Variants in DENND1A observed in about 807,000 individuals in gnomAD.
DENND1A encodes the protein DENN domain-containing protein 1A.
A neutral mutation model predicts 113.7 loss-of-function variants in DENND1A; 51 were observed. The ratio of observed to expected loss-of-function variants is 0.45; its 90% CI spans 0.36 to 0.57. The LOEUF (loss-of-function observed/expected upper bound fraction) is 0.57. Ranked by LOEUF, DENND1A falls within the 20% of genes least tolerant of loss-of-function variation. The probability of loss-of-function intolerance (pLI) is 0.00; values close to 1 mark genes in which losing one functional copy is unlikely to be tolerated. For synonymous variants in DENND1A, 565 were observed against 570.8 expected (o/e 0.99, Z 0.14); for missense variants, 1,258 against 1,395.9 (o/e 0.90, Z 1.57).
chr9:123,512,672 G>A (rs879500001), intron 13 of DENND1A, among the ~76,000 whole-genome samples: 1 of 152,216 alleles, frequency 6.6e-6, no homozygotes, highest in Non-Finnish European at 1.5e-5. Flanking sequence ...GAAGCTTCTC[G>A]AATATGTGGG....
intron 21 of DENND1A, among the ~76,000 whole-genome samples, chr9:123,389,823 C>T (rs1019137520): frequency 3.3e-5 from 5 of 152,234 alleles, no homozygotes; most frequent in Admixed American, 6.5e-5. Context: ...GCAGAGGGTG[C>T]GCAGGCCGTG....
chr9:123,395,468 C>CTCTCTGTGTATGTGTGTGTG (rs367751848), intron 21 of DENND1A, among the ~76,000 whole-genome samples: 3 of 142,890 alleles, frequency 2.1e-5, no homozygotes, highest in African/African-American at 8.2e-5. Flanking sequence ...CTCTCTCTCT[C>CTCTCTGTGTATGTGTGTGTG]TGTGTGTGTG....
chr9:123,518,590 A>G (rs1405834947), intron 13 of DENND1A, among the ~76,000 whole-genome samples: 1 of 152,176 alleles, frequency 6.6e-6, no homozygotes, highest in African/African-American at 2.4e-5. Flanking sequence ...AGGGGATATA[A>G]TAATTTATTT....
chr9:123,414,719 ACC>A, intron 19 of DENND1A: 1 of 1,222,888 alleles, frequency 8.2e-7, no homozygotes, highest in South Asian at 1.4e-5. Flanking sequence ...CTTTCCCTAT[ACC>A]ACCCATGAAT....
At position 123,697,560 on chromosome 9, in the gene DENND1A, C is replaced by A. The variant is rs1589709903; in HGVS notation, c.303-20771G>T. Among the ~76,000 whole-genome samples, 6 of 152,086 alleles carry A rather than the reference C, an allele frequency of 3.9e-5. No homozygotes were observed. In the South Asian group the frequency reaches 1.0e-3, roughly 26 times the overall value. ...CCCGTCCCATTCTTCCCCTCAAGTC[C>A]CCGAAGTCCATTGTATCATTCTTAT... On this transcript the variant is annotated intron_variant, in intron 5 of 23. Transcript: ENST00000394215.
At chr9:123,621,863 T>C (rs1350265907) in intron 10 of DENND1A, among the ~76,000 whole-genome samples, 3 of 152,230 alleles carry the variant, frequency 2.0e-5, no homozygotes, top group African/African-American at 7.2e-5. Flanking sequence ...TACTTCAGAA[T>C]TGTGTCCAGA....
At chr9:123,431,215 C>A (rs2046108777) in intron 19 of DENND1A, among the ~76,000 whole-genome samples, 1 of 152,190 alleles carries the variant, frequency 6.6e-6, no homozygotes, top group African/African-American at 2.4e-5. Flanking sequence ...CTGGTACCTC[C>A]AGTGCTAGCT....
intron 3 of DENND1A, among the ~76,000 whole-genome samples, chr9:123,780,178 G>A (rs142169073): frequency 3.6e-4 from 55 of 152,172 alleles, no homozygotes; most frequent in Non-Finnish European, 6.8e-4. Context: ...CTAACCCTCC[G>A]TCCACCCCAC....
At chr9:123,700,281 GA>G (rs989607594) in intron 5 of DENND1A, among the ~76,000 whole-genome samples, 2 of 151,928 alleles carry the variant, frequency 1.3e-5, no homozygotes, top group African/African-American at 4.8e-5. Flanking sequence ...AATTCTGAAG[GA>G]AAAAAAGGCC....
chr9:123,657,621 C>T (rs919088813), intron 8 of DENND1A, among the ~76,000 whole-genome samples: 2 of 152,282 alleles, frequency 1.3e-5, no homozygotes, highest in African/African-American at 4.8e-5. Flanking sequence ...ACATGGTACA[C>T]ATGATAAAGA....
chr9:123,663,887 A>G (rs1438518397), intron 8 of DENND1A, among the ~76,000 whole-genome samples: 2 of 152,212 alleles, frequency 1.3e-5, no homozygotes, highest in East Asian at 3.9e-4. Flanking sequence ...TGTCTCAAAC[A>G]AAGTATTACT....
intron 11 of DENND1A, among the ~76,000 whole-genome samples, chr9:123,608,435 T>C (rs1408549137): frequency 6.6e-6 from 1 of 152,088 alleles, no homozygotes; most frequent in Non-Finnish European, 1.5e-5. Flanking sequence ...ATTTTCCCTC[T>C]GAGAGCTTAT....
chr9:123,574,856 T>C (rs1464109577), intron 12 of DENND1A, among the ~76,000 whole-genome samples: 4 of 152,204 alleles, frequency 2.6e-5, no homozygotes, highest in Non-Finnish European at 2.9e-5. Context: ...TTGTCAAAAC[T>C]AAGAAACTAA....
rs546001517 is a variant in DENND1A at position 123,516,884 on chromosome 9, CAAAAAAAAAAAAAAAAA to C, written c.993+40669_993+40685del. 4.7e-3 allele frequency among the ~76,000 whole-genome samples: 436 copies of C among 93,388 alleles called. 2 individuals are homozygous for C. Among genetic ancestry groups the C allele is most frequent in the African/African-American group, 0.025 (407 of 16,196 alleles). The allele number at this position is 93,388 out of a possible 152,430, so 61.3% of individuals were successfully genotyped here. A position where few individuals can be genotyped will look rare whatever the true frequency, so the allele number is the denominator to read the frequency against. Reference sequence around the variant, plus strand: ...CTGGTGACAGAGTGAGACTCTGTCTCAAAAAAAAAAAAAAAAAAAAAAAAAAAAAAAAAAAGAACGGA... The same window carrying C: ...CTGGTGACAGAGTGAGACTCTGTCTCAAAAAAAAAAAAAAAAAAGAACGGA... On this transcript the variant is annotated intron_variant, in intron 13 of 23. Coordinates refer to ENST00000394215, the MANE Select transcript of DENND1A (RefSeq NM_001352964.2).
chr9:123,450,583 T>C, intron 18 of DENND1A, 110 bp downstream of exon 18: 4 of 743,224 alleles, frequency 5.4e-6, no homozygotes, highest in South Asian at 2.0e-5. Context: ...CATTTTGAAG[T>C]GTGTTAACAA....
intron 2 of DENND1A, among the ~76,000 whole-genome samples, chr9:123,858,549 C>T (rs571849992): frequency 2.6e-5 from 4 of 152,020 alleles, no homozygotes; most frequent in African/African-American, 4.8e-5. Flanking sequence ...GGATTAGGAT[C>T]GGCGTTTCCA....
intron 12 of DENND1A, among the ~76,000 whole-genome samples, chr9:123,582,111 C>A (rs1477674301): frequency 1.3e-5 from 2 of 152,258 alleles, no homozygotes; most frequent in African/African-American, 2.4e-5. Flanking sequence ...CACAGCTACA[C>A]TGACAGCACT....
At chr9:123,418,347 CTCTA>C (rs1214468879) in intron 19 of DENND1A, among the ~76,000 whole-genome samples, 2 of 152,216 alleles carry the variant, frequency 1.3e-5, no homozygotes, top group East Asian at 3.9e-4. Context: ...CCCTCGGCAT[CTCTA>C]TCTGTCAGCT....
chr9:123,781,617 C>T lies in DENND1A; in HGVS notation c.132+10970G>A, dbSNP rs1056990325. On this transcript the variant is annotated intron_variant, in intron 3 of 23. Transcript: ENST00000394215. ...GTAAACATTATGGCTACTTTTCCTGCCAATTCTACAAAGTTAGTATTATTA... is the reference window on the plus strand; with the variant it reads ...GTAAACATTATGGCTACTTTTCCTGTCAATTCTACAAAGTTAGTATTATTA... Among the ~76,000 whole-genome samples the T allele has an allele frequency of 1.2e-4, 19 of 152,198 alleles. No homozygotes were observed. The East Asian group carries it at 2.7e-3, about 22-fold the overall frequency.
Sources: allele counts gnomAD v4.1 joint callset (sites outside exome capture counted in the v4.1 genomes callset), GRCh38; gene constraint gnomAD v4.1.1; transcripts MANE v1.5; gene names NCBI Gene and HGNC (gene_info 2026-07-23, HGNC 2026-07-21).